The following SMYD3 variants were observed in gnomAD, a reference collection of about 807,000 sequenced individuals.
SMYD3 encodes SET and MYND domain containing 3.
A neutral mutation model predicts 57.7 loss-of-function variants in SMYD3; 36 were observed. That is an observed-to-expected ratio of 0.62 (90% confidence interval 0.48 to 0.82). The LOEUF (loss-of-function observed/expected upper bound fraction) is 0.82, where lower values mean the gene tolerates loss of function less well. SMYD3 is among the 40% of genes least tolerant of loss of function. SMYD3 has a pLI of 0.00. For missense variants in SMYD3, 515 were observed against 538.8 expected, an observed-to-expected ratio of 0.96 and a Z score of 0.44; for synonymous variants, 211 against 195.0, an observed-to-expected ratio of 1.08 and a Z score of -0.68.
intron 7 of SMYD3, among the ~76,000 whole-genome samples, chr1:245,921,731 A>G (rs1211153006): frequency 6.6e-6 from 1 of 152,146 alleles, no homozygotes; most frequent in Non-Finnish European, 1.5e-5. Context: ...GGAAACAAAT[A>G]TTTAGAGAAT....
chr1:245,811,471 T>C (rs551150291), intron 10 of SMYD3, among the ~76,000 whole-genome samples: 80 of 152,348 alleles, frequency 5.3e-4, no homozygotes, highest in African/African-American at 1.9e-3. Flanking sequence ...CTTGGGTTTC[T>C]TAGCACTATA....
chr1:246,303,441 T>C (rs1018857135), intron 5 of SMYD3, among the ~76,000 whole-genome samples: 1 of 152,226 alleles, frequency 6.6e-6, no homozygotes, highest in East Asian at 1.9e-4. Flanking sequence ...GCATACTATG[T>C]GCATATAGCC....
At chr1:245,896,893 GAAGGA>G (rs2053848651) in intron 8 of SMYD3, among the ~76,000 whole-genome samples, 1 of 1,474 alleles carries the variant, frequency 6.8e-4, no homozygotes, top group South Asian at 0.25. Context: ...GAAGAGCACA[GAAGGA>G]GTGAAAAGAA....
intron 10 of SMYD3, among the ~76,000 whole-genome samples, chr1:245,802,802 A>G (rs996470807): frequency 6.6e-6 from 1 of 152,250 alleles, no homozygotes; most frequent in Non-Finnish European, 1.5e-5. Flanking sequence ...AATAATCGGA[A>G]GACAGAACCA....
chr1:245,859,335 T>C (rs2051415966), intron 9 of SMYD3, among the ~76,000 whole-genome samples: 1 of 152,210 alleles, frequency 6.6e-6, no homozygotes, highest in Non-Finnish European at 1.5e-5. Flanking sequence ...ATTAGGAACA[T>C]GGCTTATGCA....
chr1:246,062,512 GT>G (rs2060272547), intron 5 of SMYD3, among the ~76,000 whole-genome samples: 1 of 152,190 alleles, frequency 6.6e-6, no homozygotes, highest in Non-Finnish European at 1.5e-5. Flanking sequence ...TGGTGTGTCT[GT>G]TTTGGATTAC....
intron 10 of SMYD3, among the ~76,000 whole-genome samples, chr1:245,842,535 C>T (rs1376163295): frequency 6.6e-6 from 1 of 152,098 alleles, no homozygotes; most frequent in African/African-American, 2.4e-5. Flanking sequence ...GTACTACAGG[C>T]CCTGGGGAAC....
intron 1 of SMYD3, among the ~76,000 whole-genome samples, chr1:246,398,483 C>T (rs935864262): frequency 2.6e-5 from 4 of 152,204 alleles, no homozygotes; most frequent in African/African-American, 9.7e-5. Context: ...ATGGTAAAAG[C>T]TACCATAGAG....
intron 1 of SMYD3, among the ~76,000 whole-genome samples, chr1:246,449,933 C>A (rs1203799417): frequency 6.6e-6 from 1 of 152,170 alleles, no homozygotes; most frequent in East Asian, 1.9e-4. Context: ...ATGAGTGTTG[C>A]AGCTTCGGCA....
chr1:245,881,520 C>T (rs1374140144), intron 8 of SMYD3, among the ~76,000 whole-genome samples: 1 of 152,098 alleles, frequency 6.6e-6, no homozygotes, highest in Non-Finnish European at 1.5e-5. Flanking sequence ...TCCTATAGAG[C>T]TTAACTCCAT....
At chr1:246,260,135 G>A (rs562181990) in intron 5 of SMYD3, among the ~76,000 whole-genome samples, 108 of 152,240 alleles carry the variant, frequency 7.1e-4, no homozygotes, top group Middle Eastern at 3.4e-3. Context: ...GGAGCAGCTC[G>A]GGCTACTGAC....
intron 5 of SMYD3, among the ~76,000 whole-genome samples, chr1:246,199,073 G>A (rs1240347372): frequency 6.6e-6 from 1 of 152,072 alleles, no homozygotes; most frequent in African/African-American, 2.4e-5. Flanking sequence ...CATCACCCAG[G>A]GGGTGAGCCT....
chr1:245,877,587 G>C (rs1014549853), intron 8 of SMYD3, among the ~76,000 whole-genome samples: 1 of 152,196 alleles, frequency 6.6e-6, no homozygotes, highest in African/African-American at 2.4e-5. Flanking sequence ...GGAAGAGAGA[G>C]ACTGAAGAGA....
chr1:246,136,691 G>C (rs534622872), intron 5 of SMYD3, among the ~76,000 whole-genome samples: 100 of 152,270 alleles, frequency 6.6e-4, no homozygotes, highest in Non-Finnish European at 1.2e-3. Context: ...ATGAATGAAT[G>C]AACCAACATA....
At chr1:246,094,557 C>A (rs1377800531) in intron 5 of SMYD3, among the ~76,000 whole-genome samples, 1 of 152,146 alleles carries the variant, frequency 6.6e-6, no homozygotes, top group East Asian at 1.9e-4. Context: ...TCCCCCGCCT[C>A]GCCACCAACA....
rs111392793 is a variant in SMYD3, at chr1:246,485,613, C to A, written c.164+21441G>T. 2.6e-5 allele frequency among the ~76,000 whole-genome samples: 4 copies of A among 151,680 alleles called. No individual in the cohort carries two copies. The South Asian group carries it at 6.3e-4, about 24-fold the overall frequency. On this transcript the variant is annotated intron_variant, in intron 1 of 11. Coordinates refer to ENST00000490107, the MANE Select transcript of SMYD3 (RefSeq NM_001167740.2). Reference sequence around the variant, plus strand: ...CCTGGGCAATACAGTGAGACCCCCCCCCACATCTCTACAAAAAAAATTTTT... The same window carrying A: ...CCTGGGCAATACAGTGAGACCCCCCACCACATCTCTACAAAAAAAATTTTT...
chr1:246,177,882 T>G (rs1422558014), intron 5 of SMYD3, among the ~76,000 whole-genome samples: 4 of 152,176 alleles, frequency 2.6e-5, no homozygotes, highest in African/African-American at 9.7e-5. Flanking sequence ...TCTCAACATT[T>G]CGCCTAGCAA....
chr1:246,149,222 C>G (rs574030443), intron 5 of SMYD3, among the ~76,000 whole-genome samples: 4 of 152,182 alleles, frequency 2.6e-5, no homozygotes, highest in Admixed American at 2.0e-4. Context: ...ATATCAAAAC[C>G]CTTCTTTTCT....
chr1:246,428,829 C>CCA (rs1366514514), intron 1 of SMYD3, among the ~76,000 whole-genome samples: 1 of 151,984 alleles, frequency 6.6e-6, no homozygotes, highest in Non-Finnish European at 1.5e-5. Flanking sequence ...ACCGCCGATG[C>CCA]TCTGCTGCCT....
Sources: gnomAD v4.1 joint callset for allele counts (sites outside exome capture counted in the v4.1 genomes callset) on GRCh38, gnomAD v4.1.1 for gene constraint, MANE v1.5 for transcripts, NCBI Gene and HGNC (gene_info 2026-07-23, HGNC 2026-07-21) for gene names.